Variants in KCNB2 observed in about 807,000 individuals in gnomAD.
KCNB2 encodes the protein delayed rectifier potassium channel protein.
In KCNB2, 15 loss-of-function variants were observed where a neutral mutation model predicts 61.5. The observed-to-expected ratio is 0.24, with a 90% confidence interval of 0.16 to 0.38. The LOEUF is 0.38. Ranked by LOEUF, KCNB2 falls within the 10% of genes least tolerant of loss-of-function variation. The probability of loss-of-function intolerance (pLI) is 1.00; values close to 1 mark genes in which losing one functional copy is unlikely to be tolerated. For synonymous variants in KCNB2, 457 were observed against 446.0 expected, an observed-to-expected ratio of 1.02 and a Z score of -0.31; for missense variants, 828 against 1,125.2, an observed-to-expected ratio of 0.74 and a Z score of 3.78.
At position 72,668,240 on chromosome 8, in the gene KCNB2, T is replaced by C. The variant is rs147581435; in HGVS notation, c.579+99927T>C. Among the ~76,000 whole-genome samples the C allele has an allele frequency of 4.7e-4, 72 of 152,290 alleles. 1 individual carries two copies. Among genetic ancestry groups the C allele is most frequent in the African/African-American group, 1.6e-3 (68 of 41,560 alleles). ...CCCTGAGCCTTGATGTCCAAGGTTT[T>C]TATTGGGGATCAGCCACACAGGCAT... On this transcript the variant is annotated intron_variant, in intron 2 of 2. Coordinates refer to ENST00000523207, the MANE Select transcript of KCNB2 (RefSeq NM_004770.3).
At chr8:72,665,661 A>G (rs933496850) in intron 2 of KCNB2, among the ~76,000 whole-genome samples, 4 of 152,216 alleles carry the variant, frequency 2.6e-5, no homozygotes, top group African/African-American at 4.8e-5. Flanking sequence ...ACTGAGTTCA[A>G]TCGGATTTCC....
At chr8:72,776,250 G>T (rs552430157) in intron 2 of KCNB2, among the ~76,000 whole-genome samples, 2 of 140,480 alleles carry the variant, frequency 1.4e-5, no homozygotes, top group East Asian at 4.5e-4. Context: ...AGGGCCTGTC[G>T]TGGGGTGGGG....
At chr8:72,584,525 T>C (rs1190880966) in intron 2 of KCNB2, among the ~76,000 whole-genome samples, 1 of 152,176 alleles carries the variant, frequency 6.6e-6, no homozygotes, top group Non-Finnish European at 1.5e-5. Context: ...TCCGTAACTA[T>C]AAATAGCAGT....
At chr8:72,924,909 G>C (rs1806605428) in intron 2 of KCNB2, among the ~76,000 whole-genome samples, 2 of 152,224 alleles carry the variant, frequency 1.3e-5, no homozygotes, top group South Asian at 4.2e-4. Context: ...ATATAAAGTG[G>C]ATCACGCAAG....
intron 2 of KCNB2, among the ~76,000 whole-genome samples, chr8:72,903,576 G>T (rs1243085701): frequency 6.6e-6 from 1 of 152,092 alleles, no homozygotes. Flanking sequence ...GTGAGACCTT[G>T]GCTCAAAAAT....
chr8:72,778,604 A>G (rs1005389063), intron 2 of KCNB2, among the ~76,000 whole-genome samples: 3 of 151,336 alleles, frequency 2.0e-5, no homozygotes, highest in Non-Finnish European at 2.9e-5. Context: ...GTGTGATGGC[A>G]TGCACCTATA....
intron 1 of KCNB2, among the ~76,000 whole-genome samples, chr8:72,542,274 A>G (rs1050328955): frequency 6.6e-6 from 1 of 152,142 alleles, no homozygotes; most frequent in African/African-American, 2.4e-5. Flanking sequence ...TATCCTCATG[A>G]TTGACATTTT....
intron 2 of KCNB2, among the ~76,000 whole-genome samples, chr8:72,868,078 T>TA (rs1455377741): frequency 2.0e-5 from 3 of 149,638 alleles, no homozygotes; most frequent in Non-Finnish European, 3.0e-5. Context: ...ATTATTTATT[T>TA]TTTTTTTTTT....
At chr8:72,599,498 A>G (rs1221430016) in intron 2 of KCNB2, among the ~76,000 whole-genome samples, 2 of 152,372 alleles carry the variant, frequency 1.3e-5, no homozygotes, top group African/African-American at 2.4e-5. Context: ...TAAAAACCCT[A>G]GAAGAAAACC....
chr8:72,771,803 A>G (rs1023291260), intron 2 of KCNB2, among the ~76,000 whole-genome samples: 1 of 152,174 alleles, frequency 6.6e-6, no homozygotes, highest in Non-Finnish European at 1.5e-5. Flanking sequence ...ATATAATATT[A>G]TAAAAAGAAA....
chr8:72,827,317 A>G (rs1809610637), intron 2 of KCNB2, among the ~76,000 whole-genome samples: 1 of 152,234 alleles, frequency 6.6e-6, no homozygotes, highest in Non-Finnish European at 1.5e-5. Flanking sequence ...TCCATTAAAT[A>G]GATCCTTGAT....
intron 1 of KCNB2, among the ~76,000 whole-genome samples, chr8:72,563,007 AT>A (rs1806560854): frequency 6.6e-6 from 1 of 152,226 alleles, no homozygotes; most frequent in Admixed American, 6.5e-5. Flanking sequence ...AGGATAGAAA[AT>A]CAACTAAACA....
At chr8:72,695,187 AGTTT>A (rs1807000188) in intron 2 of KCNB2, among the ~76,000 whole-genome samples, 1 of 152,162 alleles carries the variant, frequency 6.6e-6, no homozygotes, top group Non-Finnish European at 1.5e-5. Context: ...ATATGCATAC[AGTTT>A]GTTTGATATA....
chr8:72,915,320 A>G (rs911520370), intron 2 of KCNB2, among the ~76,000 whole-genome samples: 2 of 152,216 alleles, frequency 1.3e-5, no homozygotes, highest in Admixed American at 1.3e-4. Context: ...CTCTTCCTCC[A>G]CATCCACTCT....
chr8:72,599,689 C>A (rs1055544959), intron 2 of KCNB2, among the ~76,000 whole-genome samples: 3 of 152,040 alleles, frequency 2.0e-5, no homozygotes, highest in Non-Finnish European at 2.9e-5. Flanking sequence ...ATTTTTGCAA[C>A]CTCCTCATCA....
At chr8:72,814,825 T>A (rs1259807156) in intron 2 of KCNB2, among the ~76,000 whole-genome samples, 1 of 152,216 alleles carries the variant, frequency 6.6e-6, no homozygotes, top group African/African-American at 2.4e-5. Flanking sequence ...GTAATAATAA[T>A]TGCTTTGAAT....
chr8:72,731,971 A>G (rs1416911181), intron 2 of KCNB2: 1 of 152,170 alleles, frequency 6.6e-6, no homozygotes, highest in Non-Finnish European at 1.5e-5. Flanking sequence ...CCATGAGTTT[A>G]GCTAATTAAT....
chr8:72,848,406 G>C (rs1810037047), intron 2 of KCNB2, among the ~76,000 whole-genome samples: 4 of 151,604 alleles, frequency 2.6e-5, no homozygotes, highest in Admixed American at 2.6e-4. Flanking sequence ...TCTTTGTTTT[G>C]TTTTGTTTCA....
intron 2 of KCNB2, among the ~76,000 whole-genome samples, chr8:72,917,891 A>G (rs1806433274): frequency 1.3e-5 from 2 of 152,184 alleles, no homozygotes; most frequent in Admixed American, 1.3e-4. Context: ...GGTGAAGGCA[A>G]TGGTTGCTTG....
Sources: gnomAD v4.1 joint callset for allele counts (sites outside exome capture counted in the v4.1 genomes callset) on GRCh38, gnomAD v4.1.1 for gene constraint, MANE v1.5 for transcripts, NCBI Gene and HGNC (gene_info 2026-07-23, HGNC 2026-07-21) for gene names.